Variants in NFATC1 observed in about 807,000 individuals in gnomAD.
NFATC1 encodes the protein nuclear factor of activated T-cells, cytoplasmic 1.
A neutral mutation model predicts 76.0 loss-of-function variants in NFATC1; 22 were observed. That is an observed-to-expected ratio of 0.29 (90% confidence interval 0.21 to 0.41). NFATC1 has a LOEUF of 0.41. Ranked by LOEUF, NFATC1 falls within the 10% of genes least tolerant of loss-of-function variation. NFATC1 has a pLI of 1.00. For synonymous variants in NFATC1, 704 were observed against 613.1 expected (o/e 1.15, Z -2.19); for missense variants, 1,357 against 1,337.7 (o/e 1.01, Z -0.23).
intron 8 of NFATC1, among the ~76,000 whole-genome samples, chr18:79,474,254 A>T (rs76797290): frequency 1.6e-5 from 1 of 63,186 alleles, no homozygotes; most frequent in Non-Finnish European, 2.8e-5. Context: ...TCTCGCGCTC[A>T]CTGTCGACGT....
chr18:79,503,913 C>G (rs1436914733), intron 9 of NFATC1, among the ~76,000 whole-genome samples: 2 of 152,214 alleles, frequency 1.3e-5, no homozygotes. Context: ...GGCTTCTTTC[C>G]TTCAACCTCA....
At chr18:79,489,805 C>T (rs1030849044) in intron 9 of NFATC1, among the ~76,000 whole-genome samples, 1 of 152,248 alleles carries the variant, frequency 6.6e-6, no homozygotes, top group Non-Finnish European at 1.5e-5. Flanking sequence ...CTGTTCTGGT[C>T]ACAGTTTATG....
chr18:79,400,512 G>A lies in NFATC1; in HGVS notation c.127+4161G>A, dbSNP rs1007128986. The A allele has an allele frequency of 4.3e-6, 6 of 1,382,990 alleles. No homozygotes were observed. In the South Asian group the frequency reaches 6.6e-5, roughly 15 times the overall value. The allele number at this position is 1,382,990 out of a possible 1,614,324, so 85.7% of individuals were successfully genotyped here. On this transcript the variant is annotated intron_variant, in intron 1 of 9. Coordinates refer to ENST00000427363, the MANE Select transcript of NFATC1 (RefSeq NM_001278669.2). ...AGTCCCGGAGGGCGCGGGGGGCGCG[G>A]GGCCAGGTCGGGGTTTGGGGGCGCC... is the stretch of plus-strand genomic sequence containing the variant.
chr18:79,513,862 C>G (rs8088952), intron 9 of NFATC1, among the ~76,000 whole-genome samples: 9,259 of 152,212 alleles, frequency 0.061, 411 homozygotes, highest in Admixed American at 0.096. Context: ...ATGTGCATGC[C>G]CACGTCCAGG....
At position 79,451,685 on chromosome 18, in the gene NFATC1, C is replaced by T; in HGVS notation, c.1772C>T (p.Ser591Leu). Residue 591 changes from serine (S) to leucine (L), a missense_variant, in exon 6 of 10, where the codon TCA becomes TTA. Physicochemically the swap from Ser to Leu is moderately radical, Grantham distance 145. This residue lies in a region of NFATC1 where 242 missense variants were observed against 329.2 expected (regional missense o/e 0.74). Transcript: ENST00000427363. ...TCTCCTTCTGATGCAGCCCAGCGCTCAGCTCAGGAGCTGCCTCTGGTGGAG... is the reference window on the plus strand; with the variant it reads ...TCTCCTTCTGATGCAGCCCAGCGCTTAGCTCAGGAGCTGCCTCTGGTGGAG... ...ASNPIECSQR[S>L]AQELPLVEKQ... 1 of 1,607,370 alleles carries T rather than the reference C, an allele frequency of 6.2e-7. No individual in the cohort carries two copies. Among genetic ancestry groups the T allele is most frequent in the Non-Finnish European group, 8.5e-7 (1 of 1,176,818 alleles).
At chr18:79,461,965 G>A (rs1006937067) in intron 7 of NFATC1, among the ~76,000 whole-genome samples, 17 of 152,230 alleles carry the variant, frequency 1.1e-4, no homozygotes, top group Non-Finnish European at 1.6e-4. Context: ...GTTAGCGGGC[G>A]GTGCATGTGT....
chr18:79,433,889 G>C (rs1382818822), intron 3 of NFATC1, 151 bp downstream of exon 3: 2 of 851,166 alleles, frequency 2.3e-6, no homozygotes, highest in Non-Finnish European at 3.4e-6. Flanking sequence ...CACCGCCTCT[G>C]AGCTGGAATG....
chr18:79,511,433 TCAGTGCTGCTAA>T (rs1489040296), intron 9 of NFATC1, among the ~76,000 whole-genome samples: 1 of 152,010 alleles, frequency 6.6e-6, no homozygotes, highest in African/African-American at 2.4e-5. Flanking sequence ...CTGCCGGGGG[TCAGTGCTGCTAA>T]CACAGACAGC....
At chr18:79,400,301 G>A in intron 1 of NFATC1, 3 of 1,276,556 alleles carry the variant, frequency 2.4e-6, no homozygotes, top group Non-Finnish European at 3.0e-6. Flanking sequence ...CGGGGGTCAC[G>A]TTACGCGGAG....
intron 3 of NFATC1, among the ~76,000 whole-genome samples, chr18:79,438,150 G>A (rs1287554023): frequency 1.3e-5 from 2 of 152,198 alleles, no homozygotes; most frequent in Non-Finnish European, 2.9e-5. Flanking sequence ...AGCAGTGCCC[G>A]CCCTGGTCAC....
At chr18:79,447,245 G>A (rs2087246738) in intron 3 of NFATC1, among the ~76,000 whole-genome samples, 1 of 152,182 alleles carries the variant, frequency 6.6e-6, no homozygotes, top group African/African-American at 2.4e-5. Context: ...TCTTCCCTCT[G>A]CCCACTGACA....
At chr18:79,464,007 G>A (rs1039570389) in intron 7 of NFATC1, among the ~76,000 whole-genome samples, 2 of 152,256 alleles carry the variant, frequency 1.3e-5, no homozygotes, top group African/African-American at 4.8e-5. Flanking sequence ...ATATTTCGAG[G>A]GAAGCTTAAC....
intron 2 of NFATC1, among the ~76,000 whole-genome samples, chr18:79,418,753 T>C (rs2085965116): frequency 6.6e-6 from 1 of 152,220 alleles, no homozygotes; most frequent in Admixed American, 6.5e-5. Context: ...GTTTTCTGCC[T>C]GCGTTGTTTA....
At chr18:79,416,742 G>A in intron 2 of NFATC1, among the ~76,000 whole-genome samples, 1 of 152,316 alleles carries the variant, frequency 6.6e-6, no homozygotes, top group East Asian at 1.9e-4. Flanking sequence ...TTTCTGGGGA[G>A]GGAAGCCCCC....
chr18:79,447,472 A>G (rs1422341781), intron 3 of NFATC1, among the ~76,000 whole-genome samples: 1 of 152,228 alleles, frequency 6.6e-6, no homozygotes, highest in Non-Finnish European at 1.5e-5. Context: ...TTTAGTGAGA[A>G]AATCGACTCC....
In NFATC1 at chr18:79,410,521, G is replaced by A. The variant is rs761575939; in HGVS notation, c.246G>A (p.Pro82=). 49 of 1,611,654 alleles carry A rather than the reference G, an allele frequency of 3.0e-5. No homozygotes were observed. Among genetic ancestry groups the A allele is most frequent in the Admixed American group, 1.0e-4 (6 of 59,988 alleles). The change falls in exon 2 of 10, where the codon CCG becomes CCA. Residue 82 remains proline (P), a synonymous_variant. Transcript: ENST00000427363. The surrounding 1 kb of genome is among the most constrained non-coding windows in gnomAD (Gnocchi z 6.7). ...CCTCCACACCGGGCATCATCCCGCC[G>A]GCGGATCACCCCTCGGGGTACGGAG... ...LQTSTPGIIP[P]ADHPSGYGAA...
At chr18:79,461,916 C>G (rs184634204) in intron 7 of NFATC1, among the ~76,000 whole-genome samples, 68 of 152,352 alleles carry the variant, frequency 4.5e-4, no homozygotes, top group African/African-American at 1.6e-3. Context: ...AGCACAAGAG[C>G]CTGGGCGTGG....
chr18:79,511,311 C>G (rs74450512), intron 9 of NFATC1, among the ~76,000 whole-genome samples: 13,432 of 152,206 alleles, frequency 0.088, 1,182 homozygotes, highest in East Asian at 0.4. Flanking sequence ...CTGCCTCCCC[C>G]CTCCCCGCTG....
chr18:79,519,413 G>C (rs56096604), intron 9 of NFATC1, among the ~76,000 whole-genome samples: 7,658 of 152,154 alleles, frequency 0.05, 217 homozygotes, highest in Middle Eastern at 0.078. Context: ...GCTCACTGCA[G>C]CCTCAACCTC....
Sources: gnomAD v4.1 joint callset for allele counts (sites outside exome capture counted in the v4.1 genomes callset) on GRCh38, gnomAD v4.1.1 for gene constraint, gnomAD v4.1.1 regional missense constraint, Gnocchi (gnomAD v3.1) non-coding constraint, MANE v1.5 for transcripts, NCBI Gene and HGNC (gene_info 2026-07-23, HGNC 2026-07-21) for gene names.